ZFAT: variants seen among roughly 807,000 people sequenced by gnomAD.
ZFAT encodes zinc finger and AT-hook domain containing, also known as zinc finger protein ZFAT.
ZFAT carries 64 observed loss-of-function variants against 117.7 expected under a neutral mutation model. The observed-to-expected ratio is 0.54, with a 90% CI of 0.44 to 0.67. ZFAT has a LOEUF of 0.67. ZFAT is among the 30% of genes least tolerant of loss of function. The pLI is 0.00. For synonymous variants in ZFAT, 679 were observed against 615.0 expected (o/e 1.10, Z -1.54); for missense variants, 1,433 against 1,584.5 (o/e 0.90, Z 1.62).
intron 13 of ZFAT, among the ~76,000 whole-genome samples, chr8:134,516,314 G>A (rs1820247889): frequency 6.6e-6 from 1 of 152,182 alleles, no homozygotes; most frequent in South Asian, 2.1e-4. Context: ...GTTATATTGG[G>A]CAGTTCTTTC....
At chr8:134,627,998 C>T (rs1235584078) in intron 3 of ZFAT, among the ~76,000 whole-genome samples, 1 of 152,130 alleles carries the variant, frequency 6.6e-6, no homozygotes, top group Non-Finnish European at 1.5e-5. Flanking sequence ...CACACCGAGG[C>T]ACGTGCGCGG....
intron 11 of ZFAT, among the ~76,000 whole-genome samples, chr8:134,535,481 C>A (rs1359542296): frequency 1.6e-5 from 2 of 122,680 alleles, no homozygotes; most frequent in Non-Finnish European, 3.4e-5. Context: ...CCCTCTCCCC[C>A]TCCCCCTCCC....
the ZFAT span, among the ~76,000 whole-genome samples, chr8:134,751,897 G>A: frequency 0.36 from 55,011 of 151,980 alleles, 10,189 homozygotes; most frequent in Admixed American, 0.44. Flanking sequence ...CATTTCCCTC[G>A]ATACACTATG....
chr8:134,742,664 G>T, the ZFAT span, among the ~76,000 whole-genome samples: 38 of 152,236 alleles, frequency 2.5e-4, no homozygotes, highest in African/African-American at 9.2e-4. Context: ...TGAGCTCATC[G>T]TTCTCGCACT....
At chr8:134,597,246 A>G (rs532969675) in intron 7 of ZFAT, among the ~76,000 whole-genome samples, 3 of 152,182 alleles carry the variant, frequency 2.0e-5, no homozygotes, top group Non-Finnish European at 2.9e-5. Context: ...TCATTACAAA[A>G]ATAATTTGCA....
the ZFAT span, among the ~76,000 whole-genome samples, chr8:134,831,998 G>T: frequency 6.7e-6 from 1 of 149,048 alleles, no homozygotes. Context: ...CGGGGTCGGG[G>T]GTCGGGCGAG....
the ZFAT span, among the ~76,000 whole-genome samples, chr8:134,750,533 T>A: frequency 0.33 from 49,494 of 151,938 alleles, 8,227 homozygotes; most frequent in South Asian, 0.35. Flanking sequence ...ATATTTTTTT[T>A]AAAAATAATT....
the ZFAT span, among the ~76,000 whole-genome samples, chr8:134,761,916 C>T: frequency 3.3e-5 from 5 of 151,812 alleles, no homozygotes; most frequent in African/African-American, 1.2e-4. Flanking sequence ...GGCCAGATCC[C>T]CTCCTCATGT....
intron 2 of ZFAT, among the ~76,000 whole-genome samples, chr8:134,656,269 G>A (rs1465436356): frequency 6.6e-6 from 1 of 152,112 alleles, no homozygotes; most frequent in African/African-American, 2.4e-5. Context: ...TGGTTGAGAC[G>A]CAATTACACA....
chr8:134,532,731 T>C, intron 12 of ZFAT, 103 bp downstream of exon 12: 1 of 1,425,868 alleles, frequency 7.0e-7, no homozygotes, highest in East Asian at 2.4e-5. Flanking sequence ...CTGGCACATT[T>C]ATGTAGCAGA....
At chr8:134,819,436 G>A in the ZFAT span, among the ~76,000 whole-genome samples, 1 of 150,544 alleles carries the variant, frequency 6.6e-6, no homozygotes, top group Non-Finnish European at 1.5e-5. Context: ...AAATGTATCT[G>A]CAGATTTGGT....
the ZFAT span, among the ~76,000 whole-genome samples, chr8:134,763,436 T>G: frequency 2.0e-5 from 3 of 152,234 alleles, no homozygotes; most frequent in Non-Finnish European, 2.9e-5. Context: ...TCATTTCTTT[T>G]AGGTCTCAGC....
the ZFAT span, among the ~76,000 whole-genome samples, chr8:134,737,515 G>A: frequency 1.3e-5 from 2 of 152,178 alleles, no homozygotes; most frequent in African/African-American, 4.8e-5. Context: ...CAAAGTTCAA[G>A]GGATACAAAA....
chr8:134,569,092 T>C (rs1244365628), intron 10 of ZFAT, among the ~76,000 whole-genome samples: 2 of 152,132 alleles, frequency 1.3e-5, no homozygotes, highest in African/African-American at 4.8e-5. Context: ...CCCTAAAATA[T>C]ACCTGGCTAG....
At chr8:134,749,985 T>A in the ZFAT span, among the ~76,000 whole-genome samples, 1 of 152,204 alleles carries the variant, frequency 6.6e-6, no homozygotes, top group Non-Finnish European at 1.5e-5. Flanking sequence ...TTTTTCTTTT[T>A]CTTCAAAAAG....
intron 1 of ZFAT, among the ~76,000 whole-genome samples, chr8:134,690,663 C>A (rs923632642): frequency 6.6e-6 from 1 of 152,204 alleles, no homozygotes. Context: ...AGGAGAGACA[C>A]TGGGAAAAGA....
intron 7 of ZFAT, among the ~76,000 whole-genome samples, chr8:134,591,549 CAT>C (rs1390055730): frequency 6.6e-6 from 1 of 152,202 alleles, no homozygotes; most frequent in Non-Finnish European, 1.5e-5. Context: ...CCTAAAAAAT[CAT>C]ATGTTGGAGT....
At chr8:134,694,149 G>A (rs1169903067) in intron 1 of ZFAT, among the ~76,000 whole-genome samples, 14 of 152,192 alleles carry the variant, frequency 9.2e-5, no homozygotes, top group East Asian at 3.8e-4. Flanking sequence ...AACGCGGGGC[G>A]CAGCTGAGGT....
chr8:134,716,161 G>A (rs1265254687), upstream of ZFAT, among the ~76,000 whole-genome samples: 41 of 132,204 alleles, frequency 3.1e-4, no homozygotes, highest in South Asian at 1.8e-3. Flanking sequence ...ATATATATAT[G>A]TATATATGCA....
Sources: allele counts gnomAD v4.1 joint callset (sites outside exome capture counted in the v4.1 genomes callset), GRCh38; gene constraint gnomAD v4.1.1; transcripts MANE v1.5; gene names NCBI Gene and HGNC (gene_info 2026-07-23, HGNC 2026-07-21).